RFX2: variants seen among roughly 807,000 people sequenced by gnomAD.
The protein encoded by RFX2 is DNA-binding protein RFX2.
RFX2 carries 20 observed loss-of-function variants against 87.8 expected under a neutral mutation model. The observed-to-expected ratio is 0.23, with a 90% CI of 0.16 to 0.33. The LOEUF (loss-of-function observed/expected upper bound fraction) is 0.33. Ranked by LOEUF, RFX2 falls within the 10% of genes least tolerant of loss-of-function variation. RFX2 has a pLI of 1.00. For missense variants in RFX2, 767 were observed against 1,012.3 expected (o/e 0.76, Z 3.29); for synonymous variants, 397 against 431.3 (o/e 0.92, Z 0.98).
chr19:6,036,580 T>C (rs1599872072), intron 5 of RFX2, among the ~76,000 whole-genome samples: 1 of 152,348 alleles, frequency 6.6e-6, no homozygotes, highest in East Asian at 1.9e-4. Flanking sequence ...GAAGTTATTG[T>C]GTAATTGAAA....
chr19:6,091,120 TAG>T (rs752930521), intron 1 of RFX2, among the ~76,000 whole-genome samples: 1 of 152,082 alleles, frequency 6.6e-6, no homozygotes, highest in Non-Finnish European at 1.5e-5. Flanking sequence ...GTTCTGGAAT[TAG>T]AGAGTGATGA....
intron 5 of RFX2, among the ~76,000 whole-genome samples, chr19:6,035,494 C>T (rs1440162285): frequency 6.6e-6 from 1 of 152,108 alleles, no homozygotes; most frequent in Non-Finnish European, 1.5e-5. Flanking sequence ...ACATTTTAAC[C>T]AGAAATAAAT....
intron 1 of RFX2, among the ~76,000 whole-genome samples, chr19:6,072,512 G>C (rs2144837190): frequency 6.6e-6 from 1 of 152,266 alleles, no homozygotes. Context: ...AGAACAGCCT[G>C]GGTAACAAAG....
intron 1 of RFX2, among the ~76,000 whole-genome samples, chr19:6,080,548 G>T (rs954173771): frequency 6.6e-6 from 1 of 152,148 alleles, no homozygotes; most frequent in Non-Finnish European, 1.5e-5. Context: ...CAGGGGTGGT[G>T]GTGGAGAGGG....
At chr19:6,018,448 G>T (rs2086760380) in intron 6 of RFX2, among the ~76,000 whole-genome samples, 1 of 152,244 alleles carries the variant, frequency 6.6e-6, no homozygotes, top group Non-Finnish European at 1.5e-5. Flanking sequence ...CCTGCCCTGG[G>T]TTCTGGAACG....
At chr19:6,065,540 G>C (rs956791890) in intron 1 of RFX2, among the ~76,000 whole-genome samples, 1 of 152,118 alleles carries the variant, frequency 6.6e-6, no homozygotes, top group Admixed American at 6.6e-5. Flanking sequence ...CCAGCTACTC[G>C]GGAGGCTGAG....
chr19:6,059,940 G>A (rs1015532676), intron 1 of RFX2, among the ~76,000 whole-genome samples: 1 of 151,142 alleles, frequency 6.6e-6, no homozygotes, highest in Non-Finnish European at 1.5e-5. Context: ...CAAAAACAAC[G>A]ATTCTTGTAG....
intron 1 of RFX2, among the ~76,000 whole-genome samples, chr19:6,094,908 C>A (rs1179299107): frequency 6.6e-6 from 1 of 152,006 alleles, no homozygotes. Context: ...GCGGGTGGAT[C>A]ACGAGGTCAG....
intron 5 of RFX2, among the ~76,000 whole-genome samples, chr19:6,033,729 C>T (rs1364902128): frequency 2.0e-5 from 3 of 149,056 alleles, no homozygotes; most frequent in African/African-American, 5.0e-5. Context: ...CTAATGTGAA[C>T]GGGACTGTAG....
At chr19:6,035,607 C>T (rs1293284779) in intron 5 of RFX2, among the ~76,000 whole-genome samples, 1 of 152,088 alleles carries the variant, frequency 6.6e-6, no homozygotes, top group African/African-American at 2.4e-5. Context: ...AAGCGAAAGT[C>T]CCGAGAAACA....
At chr19:6,042,719 G>A (rs1158028688) in intron 3 of RFX2, among the ~76,000 whole-genome samples, 1 of 152,196 alleles carries the variant, frequency 6.6e-6, no homozygotes, top group Admixed American at 6.5e-5. Context: ...TGGAGAGATG[G>A]GGCAATGGGG....
chr19:6,049,947 T>C (rs1247657482), intron 1 of RFX2, among the ~76,000 whole-genome samples: 3 of 152,248 alleles, frequency 2.0e-5, no homozygotes, highest in African/African-American at 7.2e-5. Context: ...CCAGAAAGCA[T>C]CAGCCTCGTT....
intron 1 of RFX2, among the ~76,000 whole-genome samples, chr19:6,091,250 G>A (rs1568193433): frequency 6.6e-6 from 1 of 152,240 alleles, no homozygotes. Flanking sequence ...CCAGCACTTT[G>A]GGAGGCTGAG....
intron 12 of RFX2, among the ~76,000 whole-genome samples, chr19:6,006,220 G>T (rs1420127718): frequency 6.6e-6 from 1 of 152,088 alleles, no homozygotes; most frequent in Non-Finnish European, 1.5e-5. Context: ...GAGTGCAGTG[G>T]TGCGATCATA....
At position 6,047,734 on chromosome 19, in the gene RFX2, A is replaced by G. The variant is rs931023849; in HGVS notation, c.-8-230T>C. On this transcript the variant is annotated intron_variant, in intron 1 of 17. Transcript: ENST00000303657. The surrounding 1 kb of genome is among the most constrained non-coding windows in gnomAD (Gnocchi z 4.2). The stretch of plus-strand genomic sequence containing the variant: ...AAAGTTTTCCAAATATAAAACCCAA[A>G]AAGGGCTCTGTCAGCGCACAATGGC... Among the ~76,000 whole-genome samples, 30 of 152,318 alleles carry G rather than the reference A, an allele frequency of 2.0e-4. No individual in the cohort carries two copies. Among genetic ancestry groups the G allele is most frequent in the African/African-American group, 7.0e-4 (29 of 41,568 alleles).
At position 6,074,385 on chromosome 19, in the gene RFX2, G is replaced by A. The variant is rs1053462363; in HGVS notation, c.-8-26881C>T. Among the ~76,000 whole-genome samples, 3 of 152,184 alleles carry A rather than the reference G, an allele frequency of 2.0e-5. No homozygotes were observed. Among genetic ancestry groups the A allele is most frequent in the Non-Finnish European group, 4.4e-5 (3 of 68,030 alleles). On this transcript the variant is annotated intron_variant, in intron 1 of 17. Transcript: ENST00000303657. The surrounding 1 kb of genome is among the most constrained non-coding windows in gnomAD (Gnocchi z 5.2). ...CCTTTCCACCTTCCTCTTAGCACCC[G>A]GCCTGTGCCGGTGCATCTCCTCACC...
At position 6,024,019 on chromosome 19, in the gene RFX2, G is replaced by C. The variant is rs921570742; in HGVS notation, c.597+2144C>G. Among the ~76,000 whole-genome samples, 6 of 152,074 alleles carry C rather than the reference G, an allele frequency of 3.9e-5. No homozygotes were observed. The highest frequency in any genetic ancestry group is 1.4e-4 in the African/African-American group (6 of 41,420). ...GGTCTGGAACTCCTGACCTCAAGTGGTACACCCGCCTTGGTCTCCCAAACT... is the reference window on the plus strand; with the variant it reads ...GGTCTGGAACTCCTGACCTCAAGTGCTACACCCGCCTTGGTCTCCCAAACT... On this transcript the variant is annotated intron_variant, in intron 6 of 17. Coordinates refer to ENST00000303657, the MANE Select transcript of RFX2 (RefSeq NM_000635.4). The surrounding 1 kb of genome is among the most constrained non-coding windows in gnomAD (Gnocchi z 5.0).
chr19:6,002,856 A>G lies in RFX2; in HGVS notation c.1515T>C (p.Ser505=). Residue 505 remains serine, a synonymous_variant, in exon 14 of 18, where the codon AGT becomes AGC. Transcript: ENST00000303657. This position sits in a 1 kb window ranked among gnomAD's most constrained non-coding sequence, Gnocchi z 6.7. The part of the protein sequence containing the change: ...QVIQTKVGVV[S]AFAQTLRRYT... Reference sequence around the variant, plus strand: ...AGCGCCGCAGCGTCTGGGCGAAGGCACTGACGACGCCCACCTGTAAGCCAG... The same window carrying G: ...AGCGCCGCAGCGTCTGGGCGAAGGCGCTGACGACGCCCACCTGTAAGCCAG... The G allele has an allele frequency of 6.2e-7, 1 of 1,608,802 alleles. No individual in the cohort carries two copies. Among genetic ancestry groups the G allele is most frequent in the Non-Finnish European group, 8.5e-7 (1 of 1,178,826 alleles).
chr19:6,060,608 C>G (rs2087414228), intron 1 of RFX2, among the ~76,000 whole-genome samples: 1 of 152,156 alleles, frequency 6.6e-6, no homozygotes, highest in African/African-American at 2.4e-5. Context: ...GTCGTCTTCT[C>G]TCTGCATTCT....
Sources: gnomAD v4.1 joint callset for allele counts (sites outside exome capture counted in the v4.1 genomes callset) on GRCh38, gnomAD v4.1.1 for gene constraint, Gnocchi (gnomAD v3.1) non-coding constraint, MANE v1.5 for transcripts, NCBI Gene and HGNC (gene_info 2026-07-23, HGNC 2026-07-21) for gene names.